The following CLVS2 variants were observed in gnomAD, a reference collection of about 807,000 sequenced individuals.
CLVS2 encodes the protein clavesin 2.
A neutral mutation model predicts 29.0 loss-of-function variants in CLVS2; 19 were observed. The ratio of observed to expected loss-of-function variants is 0.66; its 90% CI spans 0.46 to 0.96. The LOEUF is 0.96. Ranked by LOEUF, CLVS2 falls within the 40% of genes least tolerant of loss-of-function variation. The pLI is 0.00. For missense variants in CLVS2, 294 were observed against 404.1 expected (o/e 0.73, Z 2.34); for synonymous variants, 161 against 151.3 (o/e 1.06, Z -0.47).
chr6:123,063,927 CCTGGG>C lies in CLVS2; in HGVS notation c.*171_*175del. On this transcript the variant is annotated 3_prime_UTR_variant, in exon 6 of 6. Coordinates refer to ENST00000275162, the MANE Select transcript of CLVS2 (RefSeq NM_001010852.4). Reference sequence around the variant, plus strand: ...TTTCCTTGGCCTGAACCATGGGGGCCCTGGGCTGGATTTTTAAAATGTCAATAATT... The same window carrying C: ...TTTCCTTGGCCTGAACCATGGGGGCCCTGGATTTTTAAAATGTCAATAATT... 2.3e-6 allele frequency: 1 copy of C among 440,404 alleles called. No homozygotes were observed. The highest frequency in any genetic ancestry group is 4.0e-6 in the Non-Finnish European group (1 of 247,184). The allele number at this position is 440,404 out of a possible 1,614,324, so 27.3% of individuals were successfully genotyped here. A position where few individuals can be genotyped will look rare whatever the true frequency, so the allele number is the denominator to read the frequency against.
At chr6:123,037,849 ATG>A in intron 3 of CLVS2, among the ~76,000 whole-genome samples, 2 of 152,310 alleles carry the variant, frequency 1.3e-5, no homozygotes, top group Admixed American at 1.3e-4. Flanking sequence ...AAATATTAAA[ATG>A]TGAAGTTTCT....
In CLVS2 at chr6:123,048,728, A is replaced by G; in HGVS notation, c.671A>G (p.Lys224Arg). The G allele has an allele frequency of 6.3e-7, 1 of 1,597,046 alleles. No homozygotes were observed. Among genetic ancestry groups the G allele is most frequent in the East Asian group, 2.2e-5 (1 of 44,718 alleles). Reference protein sequence around the residue: ...IRPFLKEKTRKRIFLHGNNLN... With the variant: ...IRPFLKEKTRRRIFLHGNNLN... The stretch of plus-strand genomic sequence containing the variant: ...CCTTTCCTGAAGGAGAAAACTCGGA[A>G]AAGGGTATTCTTTTCTTTGATTTTT... Residue 224 changes from lysine (K) to arginine (R), a missense_variant, in exon 4 of 6, where the codon AAA (lysine) becomes AGA (arginine). Physicochemically the swap from Lys to Arg is conservative, Grantham distance 26. Transcript: ENST00000275162.
chr6:123,014,714 C>T lies in CLVS2; in HGVS notation c.564+3555C>T, dbSNP rs1165568790. Among the ~76,000 whole-genome samples, 3 of 152,066 alleles carry T rather than the reference C, an allele frequency of 2.0e-5. 1 individual carries two copies. Among genetic ancestry groups the T allele is most frequent in the African/African-American group, 7.2e-5 (3 of 41,428 alleles). On this transcript the variant is annotated intron_variant, in intron 3 of 5. Transcript: ENST00000275162. Reference sequence around the variant, plus strand: ...TTCTGGATGTGTGCTGCCTTTCTCACAAGTCAGTGACTACATAAACTGTGA... The same window carrying T: ...TTCTGGATGTGTGCTGCCTTTCTCATAAGTCAGTGACTACATAAACTGTGA...
In CLVS2 at chr6:123,006,876, C is replaced by G. The variant is rs569196803; in HGVS notation, c.390-4109C>G. 1.3e-3 allele frequency among the ~76,000 whole-genome samples: 197 copies of G among 152,160 alleles called. 3 individuals carry two copies. Among genetic ancestry groups the G allele is most frequent in the African/African-American group, 4.6e-3 (189 of 41,522 alleles). On this transcript the variant is annotated intron_variant, in intron 2 of 5. Transcript: ENST00000275162. ...AACTCCAGGAGATACTATATGATGA[C>G]AGCAGGGGAACAAAGTCTTATTTCT...
At chr6:123,034,781 T>A (rs923627322) in intron 3 of CLVS2, among the ~76,000 whole-genome samples, 1 of 152,128 alleles carries the variant, frequency 6.6e-6, no homozygotes, top group African/African-American at 2.4e-5. Context: ...GTCAATTTCC[T>A]GGTTTTAGTC....
At chr6:123,041,719 A>C (rs1023119490) in intron 3 of CLVS2, among the ~76,000 whole-genome samples, 2 of 152,186 alleles carry the variant, frequency 1.3e-5, no homozygotes, top group Non-Finnish European at 2.9e-5. Context: ...TGTTGACTAC[A>C]CTTAAGAGAA....
chr6:123,019,278 T>G (rs1332074678), intron 3 of CLVS2, among the ~76,000 whole-genome samples: 2 of 152,066 alleles, frequency 1.3e-5, no homozygotes, highest in African/African-American at 4.8e-5. Context: ...TCTTTCACAA[T>G]GATGACCCTC....
chr6:123,041,935 C>G (rs896174384), intron 3 of CLVS2, among the ~76,000 whole-genome samples: 41 of 152,096 alleles, frequency 2.7e-4, no homozygotes, highest in African/African-American at 9.4e-4. Flanking sequence ...ACAATTATTT[C>G]AAAATATATT....
At chr6:123,011,874 T>G (rs1479279792) in intron 3 of CLVS2, among the ~76,000 whole-genome samples, 1 of 152,070 alleles carries the variant, frequency 6.6e-6, no homozygotes, top group African/African-American at 2.4e-5. Flanking sequence ...GAATTGATTT[T>G]AAACTTCTAA....
chr6:123,028,516 A>G (rs192903165), intron 3 of CLVS2, among the ~76,000 whole-genome samples: 3 of 152,192 alleles, frequency 2.0e-5, no homozygotes, highest in African/African-American at 7.2e-5. Flanking sequence ...AAACAAACCA[A>G]ACAAGGTCAT....
rs572495569 is a variant in CLVS2, at chr6:123,065,134, A to G, written c.*1373A>G. The G allele has an allele frequency of 3.9e-5, 6 of 152,036 alleles. No homozygotes were observed. Among genetic ancestry groups the G allele is most frequent in the African/African-American group, 1.4e-4 (6 of 41,534 alleles). The allele number at this position is 152,036 out of a possible 1,614,324, so 9.4% of individuals were successfully genotyped here. On this transcript the variant is annotated 3_prime_UTR_variant, in exon 6 of 6. Transcript: ENST00000275162. ...TCTATGACAACATGTAATCATTTAT[A>G]CGTGGATTTAGAAATTTGCATATTT... is the stretch of plus-strand genomic sequence containing the variant.
chr6:123,061,897 A>G (rs905778356), intron 5 of CLVS2, among the ~76,000 whole-genome samples: 1 of 152,076 alleles, frequency 6.6e-6, no homozygotes, highest in African/African-American at 2.4e-5. Context: ...AAAATTTAAA[A>G]TTTATTTTCT....
At chr6:123,048,304 A>C (rs1772546214) in intron 3 of CLVS2, among the ~76,000 whole-genome samples, 1 of 152,036 alleles carries the variant, frequency 6.6e-6, no homozygotes, top group South Asian at 2.1e-4. Flanking sequence ...ACAAATCTCT[A>C]ATGACTTTTG....
chr6:123,055,785 C>T, intron 4 of CLVS2, 21 bp from the exon 5 acceptor site: 8 of 1,550,538 alleles, frequency 5.2e-6, no homozygotes, highest in South Asian at 1.1e-5. Context: ...TTCCCTTCCT[C>T]CCGTCTTCTT....
At chr6:123,017,413 C>G (rs1461582505) in intron 3 of CLVS2, among the ~76,000 whole-genome samples, 1 of 151,972 alleles carries the variant, frequency 6.6e-6, no homozygotes, top group Non-Finnish European at 1.5e-5. Flanking sequence ...ATTCAGGCAG[C>G]CTGGAGATGG....
rs1772634283 is a variant in CLVS2, at chr6:123,052,915, A to T, written c.676-2891A>T. Among the ~76,000 whole-genome samples the T allele has an allele frequency of 1.3e-5, 2 of 150,034 alleles. 1 individual carries two copies. The highest frequency in any genetic ancestry group is 4.3e-4 in the South Asian group (2 of 4,598). On this transcript the variant is annotated intron_variant, in intron 4 of 5. Coordinates refer to ENST00000275162, the MANE Select transcript of CLVS2 (RefSeq NM_001010852.4). ...TGAAAAAGGGGCCTGGATTCAAGAC[A>T]TATATTTCTAGTGCAGGGATATTAT...
At chr6:123,026,750 G>A (rs1327530384) in intron 3 of CLVS2, among the ~76,000 whole-genome samples, 9 of 152,078 alleles carry the variant, frequency 5.9e-5, no homozygotes, top group Non-Finnish European at 1.3e-4. Flanking sequence ...GTAGGGGAAA[G>A]GAAAGAAGTT....
chr6:123,030,071 C>CT (rs1775061146), intron 3 of CLVS2, among the ~76,000 whole-genome samples: 1 of 152,220 alleles, frequency 6.6e-6, no homozygotes, highest in Non-Finnish European at 1.5e-5. Context: ...TGCGCAAGCG[C>CT]TGGCTGCCAG....
intron 1 of CLVS2, among the ~76,000 whole-genome samples, chr6:122,996,984 C>T (rs1774518922): frequency 6.6e-6 from 1 of 151,962 alleles, no homozygotes; most frequent in South Asian, 2.1e-4. Context: ...GGGGAGCCCA[C>T]GCTGGTACCA....
Sources: gnomAD v4.1 joint callset for allele counts (sites outside exome capture counted in the v4.1 genomes callset) on GRCh38, gnomAD v4.1.1 for gene constraint, MANE v1.5 for transcripts, NCBI Gene and HGNC (gene_info 2026-07-23, HGNC 2026-07-21) for gene names.